The following INTS1 variants were observed in gnomAD, a reference collection of about 807,000 sequenced individuals.
The protein encoded by INTS1 is integrator complex subunit 1.
In INTS1, 137 loss-of-function variants were observed where a neutral mutation model predicts 241.6. The ratio of observed to expected loss-of-function variants is 0.57; its 90% CI spans 0.49 to 0.65. INTS1 has a LOEUF of 0.65. Among genes scored for constraint, INTS1 ranks in the 30% least tolerant of loss-of-function variants. The pLI is 0.00. For missense variants in INTS1, 3,073 were observed against 3,032.2 expected, an observed-to-expected ratio of 1.01 and a Z score of -0.32; for synonymous variants, 1,692 against 1,337.8, an observed-to-expected ratio of 1.26 and a Z score of -5.78.
intron 40 of INTS1, 37 bp downstream of exon 40, chr7:1,474,668 C>T: frequency 1.3e-6 from 2 of 1,541,530 alleles, no homozygotes; most frequent in Non-Finnish European, 1.7e-6. Flanking sequence ...CCTGGTTAAA[C>T]CAGTGTCTGG....
chr7:1,471,479 A>G (rs1393920037), intron 45 of INTS1, 92 bp downstream of exon 45: 3 of 1,389,844 alleles, frequency 2.2e-6, no homozygotes, highest in East Asian at 4.6e-5. Flanking sequence ...CCTGGGGCTC[A>G]GCGCGGGCAC....
In INTS1 at chr7:1,473,425, G is replaced by C. The variant is rs1219852569; in HGVS notation, c.5957+141C>G. ...GGGTGGGGCGGCCTCTGCGCCCTGGGATGAGCACCACGCTCAGCAGCCCTC... is the reference window on the plus strand; with the variant it reads ...GGGTGGGGCGGCCTCTGCGCCCTGGCATGAGCACCACGCTCAGCAGCCCTC... On this transcript the variant is annotated intron_variant, in intron 42 of 47. Transcript: ENST00000404767. 25 of 1,120,714 alleles carry C rather than the reference G, an allele frequency of 2.2e-5. No homozygotes were observed. The South Asian group carries it at 2.8e-4, about 13-fold the overall frequency. 69.4% of individuals were successfully genotyped at this position (1,120,714 alleles called of 1,614,324 possible). A position where few individuals can be genotyped will look rare whatever the true frequency, so the allele number is the denominator to read the frequency against.
rs1386040886 is a variant in INTS1, at chr7:1,500,346, C to T, written c.370G>A (p.Asp124Asn). The T allele has an allele frequency of 1.3e-6, 2 of 1,579,950 alleles. No homozygotes were observed. The highest frequency in any genetic ancestry group is 1.7e-4 in the Middle Eastern group (1 of 5,996). ...TCCAGCTCGGCCGCCTCGATCTCAT[C>T]CAGCAGCACCGTGGGCAGCACTGGC... ...PIEVLPTVLL[D>N]EIEAAELEGN... is the part of the protein sequence containing the mutation. Residue 124 changes from aspartate to asparagine, a missense_variant, in exon 4 of 48, where the codon GAT becomes AAT. Transcript: ENST00000404767.
rs755729606 is a variant in INTS1 at position 1,487,380 on chromosome 7, G to A, written c.2586C>T (p.Leu862=). ...TTCGGCTGCGGCACAAGAGGTGCCC[G>A]AGGCGGAGGGACTGGTTGAGGCTTT... ...QVKSLNQSLR[L]GHLLCRSRNP... Residue 862 remains leucine (L), a synonymous_variant, in exon 20 of 48, where the codon CTC becomes CTT. Coordinates refer to ENST00000404767, the MANE Select transcript of INTS1 (RefSeq NM_001080453.3). 3.7e-6 allele frequency: 6 copies of A among 1,611,362 alleles called. No individual in the cohort carries two copies. The highest frequency in any genetic ancestry group is 4.5e-5 in the East Asian group (2 of 44,824).
At position 1,498,091 on chromosome 7, in the gene INTS1, G is replaced by C. The variant is rs139876448; in HGVS notation, c.1425+321C>G. On this transcript the variant is annotated intron_variant, in intron 10 of 47. Transcript: ENST00000404767. ...TACCTTACTATCCAAAGGCAGGAAT[G>C]AGCTTGAAAAATAAAAACAGAAGGC... Among the ~76,000 whole-genome samples the C allele has an allele frequency of 4.0e-3, 604 of 152,270 alleles. 7 individuals are homozygous for C. Among genetic ancestry groups the C allele is most frequent in the African/African-American group, 0.014 (575 of 41,540 alleles).
At chr7:1,486,799 G>T in intron 21 of INTS1, 25 bp from the exon 22 acceptor site, 1 of 1,609,888 alleles carries the variant, frequency 6.2e-7, no homozygotes, top group South Asian at 1.1e-5. Flanking sequence ...GGGCTCTCAG[G>T]GGTGCAGGTG....
At chr7:1,501,140 C>T (rs376976047) in intron 3 of INTS1, 4 of 151,652 alleles carry the variant, frequency 2.6e-5, no homozygotes, top group African/African-American at 9.8e-5. Flanking sequence ...CACAAATTAG[C>T]CAGGCGTGGT....
intron 2 of INTS1, among the ~76,000 whole-genome samples, chr7:1,503,485 T>G (rs1783300804): frequency 6.6e-6 from 1 of 152,124 alleles, no homozygotes; most frequent in Non-Finnish European, 1.5e-5. Context: ...TTACTCTAAC[T>G]TTACAAGAGA....
At position 1,493,074 on chromosome 7, in the gene INTS1, G is replaced by C; in HGVS notation, c.2101C>G (p.Leu701Val). 6.2e-7 allele frequency: 1 copy of C among 1,613,610 alleles called. No individual in the cohort carries two copies. The highest frequency in any genetic ancestry group is 8.5e-7 in the Non-Finnish European group (1 of 1,179,644). The change falls in exon 16 of 48, where the codon CTG becomes GTG. Residue 701 changes from leucine (L) to valine (V), a missense_variant. Coordinates refer to ENST00000404767, the MANE Select transcript of INTS1 (RefSeq NM_001080453.3). This position sits in a 1 kb window ranked among gnomAD's most constrained non-coding sequence, Gnocchi z 5.3. Reference protein sequence around the residue: ...VEVLKVGRTQLIDAVLNLCTY... With the variant: ...VEVLKVGRTQVIDAVLNLCTY... ...CACAGATTCAGAACGGCGTCGATCA[G>C]CTGGGTCCTCCCCACCTTCAGCACC...
chr7:1,502,143 A>G (rs1408259333), intron 3 of INTS1, among the ~76,000 whole-genome samples: 3 of 152,046 alleles, frequency 2.0e-5, no homozygotes, highest in African/African-American at 7.2e-5. Flanking sequence ...GCTTGAACAG[A>G]CACCTCACTA....
Position 1,499,453 on chromosome 7 carries a change from T to A in INTS1, c.844+20A>T, listed in dbSNP as rs781672370. The A allele has an allele frequency of 3.6e-6, 5 of 1,393,114 alleles. No homozygotes were observed. The highest frequency in any genetic ancestry group is 4.8e-6 in the Non-Finnish European group (5 of 1,044,548). 86.3% of individuals were successfully genotyped at this position (1,393,114 alleles called of 1,614,324 possible). On this transcript the variant is annotated intron_variant, in intron 6 of 47. Coordinates refer to ENST00000404767, the MANE Select transcript of INTS1 (RefSeq NM_001080453.3). ...CTGGGGCTTGGACACCCGCCCTCTC[T>A]GGCTGGCCGTGTGTCTCACCTGCAC... is the stretch of plus-strand genomic sequence containing the variant.
chr7:1,471,929 G>A (rs773375590), intron 44 of INTS1, among the ~76,000 whole-genome samples: 1 of 152,194 alleles, frequency 6.6e-6, no homozygotes, highest in Admixed American at 6.5e-5. Flanking sequence ...CATCCGGGCC[G>A]CTCAGCCTTG....
rs535790665 is a variant in INTS1 at position 1,493,921 on chromosome 7, G to A, written c.1911-10C>T. Reference sequence around the variant, plus strand: ...CAGACGCAGGAAGAAGCTGCGGGGTGGGGGAGGCATGACTCGGTGTGGGCT... The same window carrying A: ...CAGACGCAGGAAGAAGCTGCGGGGTAGGGGAGGCATGACTCGGTGTGGGCT... On this transcript the variant is annotated splice_polypyrimidine_tract_variant and intron_variant, in intron 14 of 47. Transcript: ENST00000404767. This position sits in a 1 kb window ranked among gnomAD's most constrained non-coding sequence, Gnocchi z 5.3. The A allele has an allele frequency of 6.4e-5, 100 of 1,552,572 alleles. 1 individual carries two copies. The South Asian group carries it at 1.0e-3, about 16-fold the overall frequency.
In INTS1 at chr7:1,492,988, G is replaced by A. The variant is rs1300069031; in HGVS notation, c.2165+22C>T. ...GGCGCGGGCTTACCCGGGCGGGAGT[G>A]GGGAGCGGGGCGTGGGCTTACCCCG... On this transcript the variant is annotated intron_variant, in intron 16 of 47. Transcript: ENST00000404767. 4 of 1,584,110 alleles carry A rather than the reference G, an allele frequency of 2.5e-6. No individual in the cohort carries two copies. The Admixed American group carries it at 5.0e-5, about 20-fold the overall frequency.
In INTS1 at chr7:1,476,843, T is replaced by C. The variant is rs752596772; in HGVS notation, c.5014A>G (p.Thr1672Ala). 8 of 1,612,814 alleles carry C rather than the reference T, an allele frequency of 5.0e-6. No homozygotes were observed. Among genetic ancestry groups the C allele is most frequent in the Middle Eastern group, 1.6e-4 (1 of 6,082 alleles). The change falls in exon 36 of 48, where the codon ACA becomes GCA. Residue 1672 changes from threonine to alanine, a missense_variant. Physicochemically the swap from Thr to Ala is moderately conservative, Grantham distance 58. Transcript: ENST00000404767. ...TLFTHQSSWP[T>A]LHQCIRVLLG... ...AGGACTCGGATGCACTGGTGCAGTG[T>C]GGGCCAGCTGGACTGATGCGTGAAG...
In INTS1 at chr7:1,484,135, G is replaced by C. The variant is rs1400581724; in HGVS notation, c.3297C>G (p.Ile1099Met). The stretch of plus-strand genomic sequence containing the variant: ...AGAGCTTCGAGAAGAGGTGGGACAT[G>C]ATGGTGGAGCGCTCCACGACCAGCC... ...VARLVVERSTIMSHLFSKLSP... is the reference protein window; with the variant it reads ...VARLVVERSTMMSHLFSKLSP... Residue 1099 changes from isoleucine (I) to methionine (M), a missense_variant, in exon 25 of 48, where the codon ATC (isoleucine) becomes ATG (methionine). Ile to Met is a conservative substitution (Grantham distance 10). Coordinates refer to ENST00000404767, the MANE Select transcript of INTS1 (RefSeq NM_001080453.3). The C allele has an allele frequency of 1.9e-6, 3 of 1,612,126 alleles. No individual in the cohort carries two copies. In the South Asian group the frequency reaches 3.3e-5, roughly 18 times the overall value.
At chr7:1,498,919 A>G (rs1408594888) in intron 8 of INTS1, 56 bp downstream of exon 8, 1 of 1,532,012 alleles carries the variant, frequency 6.5e-7, no homozygotes, top group Non-Finnish European at 8.8e-7. Flanking sequence ...CTGTGGGGCC[A>G]CACAGAGCCT....
chr7:1,486,659 G>A lies in INTS1; in HGVS notation c.2942C>T (p.Ser981Phe), dbSNP rs2128538726. The stretch of plus-strand genomic sequence containing the variant: ...CAGCACGCGGGAGGCCACCTGGGAG[G>A]AGCCGAGGCGCCGCAAGAAGTAGTC... ...VLDYFLRRLG[S>F]SQVASRVLAM... Residue 981 changes from serine (S) to phenylalanine (F), a missense_variant, in exon 22 of 48, where the codon TCC becomes TTC. Coordinates refer to ENST00000404767, the MANE Select transcript of INTS1 (RefSeq NM_001080453.3). 6.2e-7 allele frequency: 1 copy of A among 1,612,086 alleles called. No homozygotes were observed. Among genetic ancestry groups the A allele is most frequent in the East Asian group, 2.2e-5 (1 of 44,858 alleles).
rs1017017602 is a variant in INTS1 at position 1,476,100 on chromosome 7, G to A, written c.5379-29C>T. The A allele has an allele frequency of 2.6e-6, 4 of 1,531,534 alleles. No homozygotes were observed. The African/African-American group carries it at 4.1e-5, about 16-fold the overall frequency. 94.9% of individuals were successfully genotyped at this position (1,531,534 alleles called of 1,614,324 possible). A position where few individuals can be genotyped will look rare whatever the true frequency, so the allele number is the denominator to read the frequency against. Reference sequence around the variant, plus strand: ...GAAGAGGTGGAGCAGGGCTCACCAGGCGGACGGGGCCCCAGTGACAGGGGT... The same window carrying A: ...GAAGAGGTGGAGCAGGGCTCACCAGACGGACGGGGCCCCAGTGACAGGGGT... On this transcript the variant is annotated intron_variant, in intron 38 of 47. Coordinates refer to ENST00000404767, the MANE Select transcript of INTS1 (RefSeq NM_001080453.3).
Sources: gnomAD v4.1 joint callset for allele counts (sites outside exome capture counted in the v4.1 genomes callset) on GRCh38, gnomAD v4.1.1 for gene constraint, Gnocchi (gnomAD v3.1) non-coding constraint, MANE v1.5 for transcripts, NCBI Gene and HGNC (gene_info 2026-07-23, HGNC 2026-07-21) for gene names.